ENPP6: variants seen among roughly 807,000 people sequenced by gnomAD.
ENPP6 encodes the protein ectonucleotide pyrophosphatase/phosphodiesterase 6.
ENPP6 carries 32 observed loss-of-function variants against 42.0 expected under a neutral mutation model. That is an observed-to-expected ratio of 0.76 (90% CI 0.58 to 1.02). ENPP6 has a LOEUF of 1.02. ENPP6 is among the 50% of genes least tolerant of loss of function. ENPP6 has a pLI of 0.00. For missense variants in ENPP6, 552 were observed against 566.8 expected, an observed-to-expected ratio of 0.97 and a Z score of 0.27; for synonymous variants, 213 against 216.0, an observed-to-expected ratio of 0.99 and a Z score of 0.12.
rs1042557088 is a variant in ENPP6, at chr4:184,211,381, C to T, written c.241+6198G>A. 8.1e-3 allele frequency among the ~76,000 whole-genome samples: 1,234 copies of T among 152,002 alleles called. 17 individuals are homozygous for T. Among genetic ancestry groups the T allele is most frequent in the African/African-American group, 0.028 (1,154 of 41,456 alleles). On this transcript the variant is annotated intron_variant, in intron 1 of 7. Coordinates refer to ENST00000296741, the MANE Select transcript of ENPP6 (RefSeq NM_153343.4). Reference sequence around the variant, plus strand: ...AAAAAAGAGAGAAGAATCAAATAGACGCAATAAAAAATGATAAGGGGGATA... The same window carrying T: ...AAAAAAGAGAGAAGAATCAAATAGATGCAATAAAAAATGATAAGGGGGATA...
chr4:184,105,549 G>C (rs560764243), intron 6 of ENPP6, among the ~76,000 whole-genome samples: 1 of 152,286 alleles, frequency 6.6e-6, no homozygotes, highest in South Asian at 2.1e-4. Flanking sequence ...CCATAGGCAA[G>C]ATACCTAAAA....
At chr4:184,113,923 C>CTTTT (rs1186087900) in intron 5 of ENPP6, among the ~76,000 whole-genome samples, 1 of 135,366 alleles carries the variant, frequency 7.4e-6, no homozygotes, top group African/African-American at 2.7e-5. Flanking sequence ...TTCTTTCTTT[C>CTTTT]TTTCTTTCTT....
At chr4:184,109,313 C>T (rs1736161165) in intron 6 of ENPP6, among the ~76,000 whole-genome samples, 1 of 152,070 alleles carries the variant, frequency 6.6e-6, no homozygotes, top group Non-Finnish European at 1.5e-5. Context: ...GAAACAGGAA[C>T]TGGGATGCAC....
At chr4:184,172,847 TGTA>T (rs1737490898) in intron 1 of ENPP6, among the ~76,000 whole-genome samples, 2 of 151,984 alleles carry the variant, frequency 1.3e-5, no homozygotes, top group Non-Finnish European at 2.9e-5. Flanking sequence ...CGAGAGGAAA[TGTA>T]CATTCGTTCA....
intron 1 of ENPP6, among the ~76,000 whole-genome samples, chr4:184,161,735 C>A (rs1737260389): frequency 6.6e-6 from 1 of 152,188 alleles, no homozygotes; most frequent in East Asian, 1.9e-4. Flanking sequence ...TTCACAGCAA[C>A]CTGGATAGAA....
At position 184,131,259 on chromosome 4, in the gene ENPP6, T is replaced by TTTCTCTTCCTTCCTTCCTTCCTTC. The variant is rs1553996065; in HGVS notation, c.422-6988_422-6987insGAAGGAAGGAAGGAAGGAAGAGAA. ...CCTTTTCTTTCTTTCTTTCTCTTTC[T>TTTCTCTTCCTTCCTTCCTTCCTTC]CTTCCTTCCTTCCTTCCTTCCTTCC... On this transcript the variant is annotated intron_variant, in intron 2 of 7. Transcript: ENST00000296741. Among the ~76,000 whole-genome samples the TTTCTCTTCCTTCCTTCCTTCCTTC allele has an allele frequency of 2.9e-3, 212 of 73,340 alleles. 23 individuals are homozygous for TTTCTCTTCCTTCCTTCCTTCCTTC. The highest frequency in any genetic ancestry group is 0.011 in the African/African-American group (201 of 18,312). The allele number at this position is 73,340 out of a possible 152,430, so 48.1% of individuals were successfully genotyped here.
At chr4:184,168,224 T>C (rs1381353089) in intron 1 of ENPP6, among the ~76,000 whole-genome samples, 1 of 152,142 alleles carries the variant, frequency 6.6e-6, no homozygotes, top group Admixed American at 6.5e-5. Flanking sequence ...ATACCTTTTT[T>C]CAGAGTTAAG....
intron 5 of ENPP6, among the ~76,000 whole-genome samples, 187 bp from the exon 6 acceptor site, chr4:184,112,996 G>T (rs1736228742): frequency 6.6e-6 from 1 of 152,218 alleles, no homozygotes; most frequent in Non-Finnish European, 1.5e-5. Flanking sequence ...GCTTCATCCA[G>T]GAAGGCTGAA....
intron 1 of ENPP6, among the ~76,000 whole-genome samples, chr4:184,208,018 TCACC>T (rs76024999): frequency 2.0e-5 from 3 of 152,036 alleles, no homozygotes; most frequent in African/African-American, 4.8e-5. Context: ...TTTAACTTGG[TCACC>T]TTTAAAGACC....
chr4:184,201,187 G>A (rs1732894807), intron 1 of ENPP6, among the ~76,000 whole-genome samples: 1 of 152,284 alleles, frequency 6.6e-6, no homozygotes, highest in South Asian at 2.1e-4. Context: ...CCTATTCATG[G>A]AGAGGGGCTC....
At chr4:184,165,167 G>A (rs936133428) in intron 1 of ENPP6, among the ~76,000 whole-genome samples, 2 of 152,134 alleles carry the variant, frequency 1.3e-5, no homozygotes, top group Admixed American at 6.5e-5. Flanking sequence ...GGCAGAAATC[G>A]ATTTTCTGGA....
chr4:184,117,171 G>A (rs1005881494), intron 4 of ENPP6, 136 bp from the exon 5 acceptor site: 1 of 1,069,490 alleles, frequency 9.4e-7, no homozygotes, highest in African/African-American at 1.6e-5. Context: ...TTTTGCCCTG[G>A]TGAGACCCAG....
At chr4:184,173,902 G>A (rs1482395540) in intron 1 of ENPP6, among the ~76,000 whole-genome samples, 1 of 152,218 alleles carries the variant, frequency 6.6e-6, no homozygotes. Context: ...TCCACAGTGA[G>A]TGAGGAGGTG....
At chr4:184,204,653 A>G (rs953062277) in intron 1 of ENPP6, among the ~76,000 whole-genome samples, 2 of 152,148 alleles carry the variant, frequency 1.3e-5, no homozygotes, top group Admixed American at 1.3e-4. Flanking sequence ...CTACTTTGAC[A>G]CAGCTCTCCT....
intron 6 of ENPP6, among the ~76,000 whole-genome samples, chr4:184,098,992 C>A (rs764533527): frequency 1.3e-5 from 2 of 152,228 alleles, no homozygotes; most frequent in Non-Finnish European, 2.9e-5. Flanking sequence ...GTGAGCCAAG[C>A]AGTTCGCCAT....
chr4:184,093,668 A>AATG (rs1486574157), intron 7 of ENPP6, among the ~76,000 whole-genome samples: 1 of 147,534 alleles, frequency 6.8e-6, no homozygotes, highest in African/African-American at 2.5e-5. Flanking sequence ...TAATAATAAT[A>AATG]ATAATAATAA....
chr4:184,205,153 G>C (rs766936354), intron 1 of ENPP6, among the ~76,000 whole-genome samples: 1 of 152,022 alleles, frequency 6.6e-6, no homozygotes, highest in Non-Finnish European at 1.5e-5. Context: ...GGCTGGTCTC[G>C]AACTCCTGAC....
At chr4:184,191,377 C>A (rs1257591744) in intron 1 of ENPP6, among the ~76,000 whole-genome samples, 2 of 152,174 alleles carry the variant, frequency 1.3e-5, no homozygotes, top group Non-Finnish European at 2.9e-5. Context: ...GCACAAAATA[C>A]GGTAGACATT....
chr4:184,121,947 T>C (rs774619978), intron 3 of ENPP6, among the ~76,000 whole-genome samples: 2 of 152,206 alleles, frequency 1.3e-5, no homozygotes, highest in African/African-American at 4.8e-5. Flanking sequence ...GCTTCCTGTG[T>C]CTTCAGGGGA....
Sources: gnomAD v4.1 joint callset for allele counts (sites outside exome capture counted in the v4.1 genomes callset) on GRCh38, gnomAD v4.1.1 for gene constraint, MANE v1.5 for transcripts, NCBI Gene and HGNC (gene_info 2026-07-23, HGNC 2026-07-21) for gene names.